Variants in CCDC175 observed in about 807,000 individuals in gnomAD.
CCDC175 encodes the protein coiled-coil domain-containing protein 175.
CCDC175 carries 100 observed loss-of-function variants against 114.6 expected under a neutral mutation model. The observed-to-expected ratio is 0.87, with a 90% CI of 0.74 to 1.03. CCDC175 has a LOEUF of 1.03. Ranked by LOEUF, CCDC175 falls within the 50% of genes least tolerant of loss-of-function variation. The pLI, the probability that CCDC175 is intolerant of heterozygous loss-of-function variation, is 0.00. For synonymous variants in CCDC175, 306 were observed against 308.7 expected (o/e 0.99, Z 0.09); for missense variants, 880 against 917.8 (o/e 0.96, Z 0.53).
chr14:59,555,866 T>C (rs941071520), intron 7 of CCDC175, among the ~76,000 whole-genome samples: 1 of 152,186 alleles, frequency 6.6e-6, no homozygotes. Context: ...CCATTCACAA[T>C]TGCTTCAAAG....
chr14:59,525,338 A>G lies in CCDC175; in HGVS notation c.1939T>C (p.Tyr647His). The change falls in exon 16 of 20, where the codon TAT (tyrosine) becomes CAT (histidine). Residue 647 changes from tyrosine (Y) to histidine (H), a missense_variant. Physicochemically the swap from Tyr to His is moderately conservative, Grantham distance 83. Transcript: ENST00000537690. ...ETLKNLENGF[Y>H]INDQKADLLL... ...AGATCTGCTTTTTGGTCATTTATAT[A>G]GAATCCATTTTCTAAGTTCTTTAGA... The G allele has an allele frequency of 6.6e-7, 1 of 1,504,580 alleles. No homozygotes were observed. The highest frequency in any genetic ancestry group is 8.8e-7 in the Non-Finnish European group (1 of 1,135,492). 93.2% of individuals were successfully genotyped at this position (1,504,580 alleles called of 1,614,324 possible). A position where few individuals can be genotyped will look rare whatever the true frequency, so the allele number is the denominator to read the frequency against.
At position 59,576,785 on chromosome 14, in the gene CCDC175, C is replaced by A; in HGVS notation, c.-10G>T. The A allele has an allele frequency of 7.0e-7, 1 of 1,430,688 alleles. No homozygotes were observed. The highest frequency in any genetic ancestry group is 3.0e-5 in the East Asian group (1 of 33,638). 88.6% of individuals were successfully genotyped at this position (1,430,688 alleles called of 1,614,324 possible). A position where few individuals can be genotyped will look rare whatever the true frequency, so the allele number is the denominator to read the frequency against. On this transcript the variant is annotated 5_prime_UTR_variant, in exon 1 of 20. Coordinates refer to ENST00000537690, the MANE Select transcript of CCDC175 (RefSeq NM_001164399.2). ...AGGGGCTCAGGGCCATTTTGCCGCT[C>A]TACTTGAGCGCCTCCTAAGCCAGAG...
intron 19 of CCDC175, among the ~76,000 whole-genome samples, chr14:59,508,356 T>G (rs1594968408): frequency 7.0e-6 from 1 of 143,082 alleles, no homozygotes; most frequent in African/African-American, 2.7e-5. Flanking sequence ...GCTCAGGAGG[T>G]CAAGACCAGC....
In CCDC175 at chr14:59,555,259, T is replaced by A. The variant is rs546145359; in HGVS notation, c.954-3823A>T. 3.7e-4 allele frequency among the ~76,000 whole-genome samples: 57 copies of A among 152,202 alleles called. 2 individuals carry two copies. In the South Asian group the frequency reaches 8.5e-3, roughly 23 times the overall value. Reference sequence around the variant, plus strand: ...AATCCAGCAGCACATCAAAAAGCTATTCCACCATGATCAAGTGGGCTTCAT... The same window carrying A: ...AATCCAGCAGCACATCAAAAAGCTAATCCACCATGATCAAGTGGGCTTCAT... On this transcript the variant is annotated intron_variant, in intron 7 of 19. Coordinates refer to ENST00000537690, the MANE Select transcript of CCDC175 (RefSeq NM_001164399.2).
intron 14 of CCDC175, among the ~76,000 whole-genome samples, chr14:59,529,250 T>G (rs1893927744): frequency 6.6e-6 from 1 of 152,188 alleles, no homozygotes; most frequent in Non-Finnish European, 1.5e-5. Context: ...GCTGGCAGCA[T>G]TCAGCAAACT....
intron 7 of CCDC175, among the ~76,000 whole-genome samples, chr14:59,553,557 T>G (rs917928830): frequency 6.6e-6 from 1 of 152,162 alleles, no homozygotes. Flanking sequence ...CTGCATCAAC[T>G]AACGAGCAAA....
chr14:59,511,087 A>AC (rs1390808717), intron 18 of CCDC175, among the ~76,000 whole-genome samples: 1 of 152,082 alleles, frequency 6.6e-6, no homozygotes, highest in Non-Finnish European at 1.5e-5. Context: ...AGCTAGTTTC[A>AC]CCCTCAGAGA....
rs2140036919 is a variant in CCDC175, at chr14:59,540,703, C to A, written c.1327G>T (p.Ala443Ser). 8 of 1,360,662 alleles carry A rather than the reference C, an allele frequency of 5.9e-6. No individual in the cohort carries two copies. In the South Asian group the frequency reaches 8.9e-5, roughly 15 times the overall value. 84.3% of individuals were successfully genotyped at this position (1,360,662 alleles called of 1,614,324 possible). The stretch of plus-strand genomic sequence containing the variant: ...CTCTGACTTTCTCTTTCCAGGTTAG[C>A]ACTCAGGATTTTGATTTGTTGCTGA... ...VYQQQIKILS[A>S]NLERESQRCV... The change falls in exon 11 of 20, where the codon GCT (alanine) becomes TCT (serine). Residue 443 changes from alanine to serine, a missense_variant. Transcript: ENST00000537690.
At chr14:59,566,753 A>G (rs548025560) in intron 4 of CCDC175, among the ~76,000 whole-genome samples, 1 of 152,344 alleles carries the variant, frequency 6.6e-6, no homozygotes, top group East Asian at 1.9e-4. Flanking sequence ...CCAGGACAGG[A>G]GACATACCCA....
At position 59,505,322 on chromosome 14, in the gene CCDC175, G is replaced by C; in HGVS notation, c.2306-7C>G. ...CGAATGTGTTTCTTCTTCTCTGTAG[G>C]AATAAAAAATAAATATAAAAATTTT... On this transcript the variant is annotated splice_polypyrimidine_tract_variant and splice_region_variant and intron_variant, in intron 19 of 19. Transcript: ENST00000537690. The C allele has an allele frequency of 7.0e-7, 1 of 1,436,526 alleles. No individual in the cohort carries two copies. 89.0% of individuals were successfully genotyped at this position (1,436,526 alleles called of 1,614,324 possible). A position where few individuals can be genotyped will look rare whatever the true frequency, so the allele number is the denominator to read the frequency against.
chr14:59,514,684 G>A (rs888661764), intron 17 of CCDC175, among the ~76,000 whole-genome samples: 10 of 152,270 alleles, frequency 6.6e-5, no homozygotes, highest in South Asian at 4.1e-4. Context: ...CCAAATCTAC[G>A]TCTGATTGGT....
At chr14:59,517,405 G>A (rs1305260424) in intron 17 of CCDC175, among the ~76,000 whole-genome samples, 4 of 152,154 alleles carry the variant, frequency 2.6e-5, no homozygotes, top group African/African-American at 9.7e-5. Flanking sequence ...TGACATTATT[G>A]TATATTTAGA....
chr14:59,552,324 C>T (rs1005189119), intron 7 of CCDC175, among the ~76,000 whole-genome samples: 1 of 152,248 alleles, frequency 6.6e-6, no homozygotes, highest in African/African-American at 2.4e-5. Context: ...ATTCACTGTT[C>T]TGCAGCCTCC....
At chr14:59,529,218 G>A (rs1219022458) in intron 14 of CCDC175, among the ~76,000 whole-genome samples, 1 of 152,160 alleles carries the variant, frequency 6.6e-6, no homozygotes, top group Non-Finnish European at 1.5e-5. Flanking sequence ...AAGGGATTAT[G>A]GAAGAGTTCA....
At chr14:59,528,493 T>C (rs1302352308) in intron 14 of CCDC175, among the ~76,000 whole-genome samples, 1 of 152,138 alleles carries the variant, frequency 6.6e-6, no homozygotes, top group Non-Finnish European at 1.5e-5. Flanking sequence ...AGGCAGTTTC[T>C]ACTTACTTCG....
intron 10 of CCDC175, among the ~76,000 whole-genome samples, chr14:59,543,043 G>A (rs1335082251): frequency 1.3e-5 from 2 of 152,054 alleles, no homozygotes; most frequent in African/African-American, 2.4e-5. Flanking sequence ...AAATGACTTA[G>A]AATGCAGAAA....
intron 8 of CCDC175, chr14:59,551,096 C>A (rs1249374245): frequency 7.6e-6 from 2 of 262,640 alleles, no homozygotes; most frequent in African/African-American, 4.4e-5. Context: ...ATCCATTAAT[C>A]ATGGATAGTC....
At chr14:59,524,671 T>C (rs1893637994) in intron 16 of CCDC175, among the ~76,000 whole-genome samples, 1 of 152,174 alleles carries the variant, frequency 6.6e-6, no homozygotes, top group Non-Finnish European at 1.5e-5. Flanking sequence ...GTACTAAAGT[T>C]GGAGATACAC....
intron 7 of CCDC175, 45 bp from the exon 8 acceptor site, chr14:59,551,481 T>C: frequency 1.9e-6 from 2 of 1,076,072 alleles, no homozygotes; most frequent in Non-Finnish European, 1.3e-6. Flanking sequence ...GAACATACTT[T>C]TGAATTCTAA....
Sources: gnomAD v4.1 joint callset for allele counts (sites outside exome capture counted in the v4.1 genomes callset) on GRCh38, gnomAD v4.1.1 for gene constraint, MANE v1.5 for transcripts, NCBI Gene and HGNC (gene_info 2026-07-23, HGNC 2026-07-21) for gene names.